The following TMEM38A variants were observed in gnomAD, a reference collection of about 807,000 sequenced individuals.
The protein encoded by TMEM38A is trimeric intracellular cation channel type A.
A neutral mutation model predicts 28.6 loss-of-function variants in TMEM38A; 17 were observed. The ratio of observed to expected loss-of-function variants is 0.60; its 90% CI spans 0.41 to 0.89. The LOEUF (loss-of-function observed/expected upper bound fraction) is 0.89, where lower values mean the gene tolerates loss of function less well. TMEM38A is among the 40% of genes least tolerant of loss of function. TMEM38A has a pLI of 0.00. For synonymous variants in TMEM38A, 169 were observed against 166.1 expected (o/e 1.02, Z -0.14); for missense variants, 328 against 393.1 (o/e 0.83, Z 1.40).
At chr19:16,666,996 C>G (rs1052842497) in intron 1 of TMEM38A, among the ~76,000 whole-genome samples, 2 of 150,022 alleles carry the variant, frequency 1.3e-5, no homozygotes, top group African/African-American at 4.9e-5. Flanking sequence ...TGGCCAAGCT[C>G]AGTGGCTCAC....
intron 3 of TMEM38A, 124 bp downstream of exon 3, chr19:16,680,705 T>C (rs943373555): frequency 3.5e-6 from 3 of 857,344 alleles, no homozygotes; most frequent in Non-Finnish European, 5.5e-6. Context: ...CTGCAGTAGG[T>C]GTTCAAACCT....
At chr19:16,684,320 G>GA (rs965233299) in intron 4 of TMEM38A, among the ~76,000 whole-genome samples, 24 of 143,412 alleles carry the variant, frequency 1.7e-4, no homozygotes, top group East Asian at 1.3e-3. Context: ...AAAAAAAAAA[G>GA]AAAAAAAAAA....
chr19:16,661,387 G>A lies in TMEM38A; in HGVS notation c.124+46G>A, dbSNP rs755716555. 1 of 1,486,614 alleles carries A rather than the reference G, an allele frequency of 6.7e-7. No individual in the cohort carries two copies. The highest frequency in any genetic ancestry group is 9.0e-7 in the Non-Finnish European group (1 of 1,106,930). 92.1% of individuals were successfully genotyped at this position (1,486,614 alleles called of 1,614,324 possible). A position where few individuals can be genotyped will look rare whatever the true frequency, so the allele number is the denominator to read the frequency against. On this transcript the variant is annotated intron_variant, in intron 1 of 5. Coordinates refer to ENST00000187762, the MANE Select transcript of TMEM38A (RefSeq NM_024074.4). The surrounding 1 kb of genome is among the most constrained non-coding windows in gnomAD (Gnocchi z 6.5). ...GGAGGGGACCGGCAGCGGGTGGCGC[G>A]GGCCGGGGCAGCTCGGGGGTCGCAG...
At chr19:16,665,891 CT>C (rs1381903390) in intron 1 of TMEM38A, among the ~76,000 whole-genome samples, 1 of 151,768 alleles carries the variant, frequency 6.6e-6, no homozygotes, top group Non-Finnish European at 1.5e-5. Context: ...TCACTGCAAC[CT>C]TCACCTCCCA....
Position 16,689,596 on chromosome 19 carries a change from T to G in TMEM38A, c.*1225T>G, listed in dbSNP as rs1449298467. ...ATCAAGGGGCTCTGAGTGTGCACAG[T>G]TGGGACCTGGATGTATCAGGTCTCC... On this transcript the variant is annotated 3_prime_UTR_variant, in exon 6 of 6. Coordinates refer to ENST00000187762, the MANE Select transcript of TMEM38A (RefSeq NM_024074.4). 1 of 152,212 alleles carries G rather than the reference T, an allele frequency of 6.6e-6. No individual in the cohort carries two copies. Among genetic ancestry groups the G allele is most frequent in the Non-Finnish European group, 1.5e-5 (1 of 68,078 alleles). 9.4% of individuals were successfully genotyped at this position (152,212 alleles called of 1,614,324 possible).
chr19:16,672,777 T>C (rs568540379), intron 1 of TMEM38A, among the ~76,000 whole-genome samples: 1 of 152,144 alleles, frequency 6.6e-6, no homozygotes, highest in South Asian at 2.1e-4. Context: ...CAGCCCAACC[T>C]TTTCACTCAG....
chr19:16,687,078 T>A (rs1054161620), intron 5 of TMEM38A, among the ~76,000 whole-genome samples: 1 of 152,174 alleles, frequency 6.6e-6, no homozygotes, highest in African/African-American at 2.4e-5. Flanking sequence ...CGGGGGCTCA[T>A]GCCAACACTT....
At chr19:16,680,213 G>A (rs1224058349) in intron 2 of TMEM38A, 73 bp downstream of exon 2, 9 of 1,569,370 alleles carry the variant, frequency 5.7e-6, no homozygotes, top group Non-Finnish European at 7.8e-6. Flanking sequence ...GGAGGAGAGA[G>A]GTTGGAGGAA....
rs1599394231 is a variant in TMEM38A, at chr19:16,688,500, A to C, written c.*129A>C. 1.4e-6 allele frequency: 1 copy of C among 727,108 alleles called. No individual in the cohort carries two copies. The highest frequency in any genetic ancestry group is 2.0e-6 in the Non-Finnish European group (1 of 494,174). The allele number at this position is 727,108 out of a possible 1,614,324, so 45.0% of individuals were successfully genotyped here. On this transcript the variant is annotated 3_prime_UTR_variant, in exon 6 of 6. Transcript: ENST00000187762. ...ATCTGCAAATCAGGGTCATTGGCTC[A>C]CCCTCCAGGGCTGATGTGGGGGTTG... is the stretch of plus-strand genomic sequence containing the variant.
chr19:16,664,304 G>A (rs1230585785), intron 1 of TMEM38A, among the ~76,000 whole-genome samples: 1 of 151,936 alleles, frequency 6.6e-6, no homozygotes, highest in Non-Finnish European at 1.5e-5. Context: ...GTAATCCCAG[G>A]TACTTGGGAG....
chr19:16,682,468 G>A lies in TMEM38A; in HGVS notation c.514G>A (p.Val172Ile). The change falls in exon 4 of 6, where the codon GTC becomes ATC. Residue 172 changes from valine (V) to isoleucine (I), a missense_variant. Physicochemically the swap from Val to Ile is conservative, Grantham distance 29. Coordinates refer to ENST00000187762, the MANE Select transcript of TMEM38A (RefSeq NM_024074.4). ...CAACTTTGAGCAGCTGCTCCGAGGG[G>A]TCTGGAAGCCAGAGACCAACGAGAT... Reference protein sequence around the residue: ...MSNFEQLLRGVWKPETNEILH... With the variant: ...MSNFEQLLRGIWKPETNEILH... 1 of 1,613,814 alleles carries A rather than the reference G, an allele frequency of 6.2e-7. No individual in the cohort carries two copies. The highest frequency in any genetic ancestry group is 1.3e-5 in the African/African-American group (1 of 74,908).
Position 16,661,727 on chromosome 19 carries a change from C to T in TMEM38A, c.124+386C>T, listed in dbSNP as rs1010100219. On this transcript the variant is annotated intron_variant, in intron 1 of 5. Transcript: ENST00000187762. This position sits in a 1 kb window ranked among gnomAD's most constrained non-coding sequence, Gnocchi z 6.5. ...GGCCGCGCGCAGGTGTGACCTCCCT[C>T]CTTGACCTTGGCACGCGGATTGAGA... is the stretch of plus-strand genomic sequence containing the variant. 2.0e-5 allele frequency among the ~76,000 whole-genome samples: 3 copies of T among 151,134 alleles called. No homozygotes were observed. Among genetic ancestry groups the T allele is most frequent in the Non-Finnish European group, 2.9e-5 (2 of 67,964 alleles).
At chr19:16,663,174 G>A (rs2086689448) in intron 1 of TMEM38A, among the ~76,000 whole-genome samples, 1 of 151,810 alleles carries the variant, frequency 6.6e-6, no homozygotes, top group African/African-American at 2.4e-5. Context: ...CTAGCTGCTT[G>A]GGAGGCTGAG....
chr19:16,669,744 C>T (rs183713128), intron 1 of TMEM38A, among the ~76,000 whole-genome samples: 36 of 152,160 alleles, frequency 2.4e-4, no homozygotes, highest in Non-Finnish European at 4.6e-4. Flanking sequence ...GAGACTCGGT[C>T]AGTACCCCAT....
intron 1 of TMEM38A, among the ~76,000 whole-genome samples, chr19:16,666,446 C>T (rs996877105): frequency 1.3e-5 from 2 of 150,180 alleles, no homozygotes; most frequent in Admixed American, 6.7e-5. Flanking sequence ...TTTTTTTTTT[C>T]GAGACAGGGT....
chr19:16,674,414 G>A (rs2086741059), intron 1 of TMEM38A, among the ~76,000 whole-genome samples: 1 of 151,758 alleles, frequency 6.6e-6, no homozygotes, highest in Non-Finnish European at 1.5e-5. Flanking sequence ...AAAAAGTTGG[G>A]GGGATCCAAC....
intron 4 of TMEM38A, among the ~76,000 whole-genome samples, chr19:16,683,053 A>G (rs1259275159): frequency 6.6e-6 from 1 of 152,062 alleles, no homozygotes; most frequent in Non-Finnish European, 1.5e-5. Context: ...GGCTCACTGC[A>G]ACCTCCACCT....
rs2086786072 is a variant in TMEM38A, at chr19:16,682,491, G to C, written c.537G>C (p.Glu179Asp). ...GGGTCTGGAAGCCAGAGACCAACGA[G>C]ATCCTGCACATGTCTTTGTGAGTAT... is the stretch of plus-strand genomic sequence containing the variant. ...LRGVWKPETN[E>D]ILHMSFPTKA... The change falls in exon 4 of 6, where the codon GAG (glutamate) becomes GAC (aspartate). Residue 179 changes from glutamate (E) to aspartate (D), a missense_variant. Transcript: ENST00000187762. The C allele has an allele frequency of 1.9e-6, 3 of 1,613,972 alleles. No homozygotes were observed. Among genetic ancestry groups the C allele is most frequent in the Non-Finnish European group, 2.5e-6 (3 of 1,179,970 alleles).
chr19:16,675,604 A>G (rs1307118931), intron 1 of TMEM38A, among the ~76,000 whole-genome samples: 1 of 146,784 alleles, frequency 6.8e-6, no homozygotes. Context: ...GCTGGAGTGC[A>G]ATGGTGCAAT....
Sources: gnomAD v4.1 joint callset for allele counts (sites outside exome capture counted in the v4.1 genomes callset) on GRCh38, gnomAD v4.1.1 for gene constraint, Gnocchi (gnomAD v3.1) non-coding constraint, MANE v1.5 for transcripts, NCBI Gene and HGNC (gene_info 2026-07-23, HGNC 2026-07-21) for gene names.